The following MTFR1 variants were observed in gnomAD, a reference collection of about 807,000 sequenced individuals.
MTFR1 encodes chondrocyte protein with a poly-proline region.
MTFR1 carries 28 observed loss-of-function variants against 38.8 expected under a neutral mutation model. The observed-to-expected ratio is 0.72, with a 90% CI of 0.53 to 0.99. The LOEUF is 0.99. MTFR1 is among the 50% of genes least tolerant of loss of function. The pLI, the probability that MTFR1 is intolerant of heterozygous loss-of-function variation, is 0.00. For synonymous variants in MTFR1, 145 were observed against 137.0 expected (o/e 1.06, Z -0.41); for missense variants, 358 against 395.5 (o/e 0.91, Z 0.81).
chr8:65,644,511 G>C (rs529263437), upstream of MTFR1, among the ~76,000 whole-genome samples: 2 of 152,362 alleles, frequency 1.3e-5, no homozygotes, highest in African/African-American at 4.8e-5. Context: ...ACAGGACGGT[G>C]AAGGCACAAA....
At position 65,693,104 on chromosome 8, in the gene MTFR1, T is replaced by A. The variant is rs184785159; in HGVS notation, c.166-540T>A. 4.4e-3 allele frequency among the ~76,000 whole-genome samples: 662 copies of A among 152,142 alleles called. 2 individuals are homozygous for A. Among genetic ancestry groups the A allele is most frequent in the South Asian group, 0.01 (49 of 4,818 alleles). ...TTCTTAATTTTCTAGGATAGTTTTT[T>A]AAAAAATCAACTTATAGGCTGGGCA... On this transcript the variant is annotated intron_variant, in intron 3 of 7. Transcript: ENST00000262146.
At chr8:65,739,424 A>G (rs1807302336) in intron 3 of MTFR1, 1 of 1,428,918 alleles carries the variant, frequency 7.0e-7, no homozygotes, top group African/African-American at 1.5e-5. Flanking sequence ...TAGCTAACCG[A>G]TATAACTGAG....
chr8:65,704,967 A>T (rs1288176016), intron 5 of MTFR1, 38 bp downstream of exon 5: 1 of 1,490,904 alleles, frequency 6.7e-7, no homozygotes, highest in Admixed American at 2.0e-5. Flanking sequence ...TAACTTGCAA[A>T]CTAGAAGTTA....
At chr8:65,763,200 G>A (rs1399178653) in intron 3 of MTFR1, among the ~76,000 whole-genome samples, 1 of 152,080 alleles carries the variant, frequency 6.6e-6, no homozygotes, top group Non-Finnish European at 1.5e-5. Context: ...ATTGATCTAA[G>A]TTTTAGATTA....
chr8:65,698,244 GC>G, intron 4 of MTFR1, among the ~76,000 whole-genome samples: 1 of 151,524 alleles, frequency 6.6e-6, no homozygotes, highest in African/African-American at 2.4e-5. Flanking sequence ...TGCCTCCTGG[GC>G]TCAAGCGATC....
intron 1 of MTFR1, among the ~76,000 whole-genome samples, chr8:65,655,132 A>C (rs1479383859): frequency 6.6e-6 from 1 of 152,230 alleles, no homozygotes; most frequent in Non-Finnish European, 1.5e-5. Flanking sequence ...GGCTGCTTAA[A>C]ATATTCTGTG....
chr8:65,746,078 G>A (rs1304305073), intron 3 of MTFR1, among the ~76,000 whole-genome samples: 2 of 151,446 alleles, frequency 1.3e-5, no homozygotes, highest in African/African-American at 2.4e-5. Flanking sequence ...CTACAAGCAT[G>A]TGTTACCATA....
intron 3 of MTFR1, chr8:65,739,489 T>C (rs1271592081): frequency 1.3e-6 from 2 of 1,545,994 alleles, no homozygotes; most frequent in Non-Finnish European, 1.7e-6. Context: ...GTTAATGGGT[T>C]AGAATCACTT....
chr8:65,740,707 C>G (rs1328259149), intron 3 of MTFR1, among the ~76,000 whole-genome samples: 1 of 152,118 alleles, frequency 6.6e-6, no homozygotes, highest in East Asian at 1.9e-4. Flanking sequence ...GGCCAAGTTT[C>G]CCTTTCTTTC....
intron 3 of MTFR1, among the ~76,000 whole-genome samples, chr8:65,687,912 C>T (rs1220048954): frequency 4.0e-5 from 6 of 151,342 alleles, no homozygotes; most frequent in African/African-American, 1.5e-4. Context: ...CCAGCATGGC[C>T]AACATGGTGA....
intron 1 of MTFR1, among the ~76,000 whole-genome samples, chr8:65,651,744 C>G (rs1809129339): frequency 6.6e-6 from 1 of 151,928 alleles, no homozygotes; most frequent in African/African-American, 2.4e-5. Context: ...TCTTTTTGCT[C>G]AGGATAGCTT....
intron 3 of MTFR1, among the ~76,000 whole-genome samples, chr8:65,768,385 G>T (rs1296071793): frequency 6.6e-6 from 1 of 152,038 alleles, no homozygotes; most frequent in African/African-American, 2.4e-5. Context: ...GAATCATGGG[G>T]GTGCTAATTC....
chr8:65,694,884 T>A (rs558704998), intron 4 of MTFR1, among the ~76,000 whole-genome samples: 1 of 152,162 alleles, frequency 6.6e-6, no homozygotes, highest in Non-Finnish European at 1.5e-5. Flanking sequence ...CCAGGAGACA[T>A]TGTGGCATGT....
At chr8:65,703,418 G>GT (rs1805674446) in intron 4 of MTFR1, among the ~76,000 whole-genome samples, 1 of 84,740 alleles carries the variant, frequency 1.2e-5, no homozygotes, top group African/African-American at 5.4e-5. Context: ...TGATGTCTCT[G>GT]GTTTTTTTTT....
At chr8:65,655,951 A>AAAT (rs1554545336) in intron 1 of MTFR1, among the ~76,000 whole-genome samples, 1 of 55,404 alleles carries the variant, frequency 1.8e-5, no homozygotes, top group African/African-American at 1.4e-4. Flanking sequence ...TAAAAAAAAA[A>AAAT]ATATATATAT....
At chr8:65,776,682 T>C in the MTFR1 span, among the ~76,000 whole-genome samples, 1 of 152,232 alleles carries the variant, frequency 6.6e-6, no homozygotes. Flanking sequence ...TTATATATTA[T>C]GTTAATTTTG....
chr8:65,672,714 T>C (rs913770075), intron 2 of MTFR1, among the ~76,000 whole-genome samples: 5 of 152,218 alleles, frequency 3.3e-5, no homozygotes, highest in African/African-American at 9.7e-5. Flanking sequence ...GGTTTCACCA[T>C]GTTAGCACTT....
chr8:65,743,386 C>A (rs376103096), intron 3 of MTFR1, among the ~76,000 whole-genome samples: 1 of 152,144 alleles, frequency 6.6e-6, no homozygotes, highest in African/African-American at 2.4e-5. Flanking sequence ...GGGAGAAGAA[C>A]AGAACACTTA....
At chr8:65,693,857 C>G in intron 4 of MTFR1, 98 bp downstream of exon 4, 1 of 845,952 alleles carries the variant, frequency 1.2e-6, no homozygotes, top group Non-Finnish European at 1.9e-6. Context: ...AATTTTATCT[C>G]TAGTAATGCA....
Sources: allele counts gnomAD v4.1 joint callset (sites outside exome capture counted in the v4.1 genomes callset), GRCh38; gene constraint gnomAD v4.1.1; transcripts MANE v1.5; gene names NCBI Gene and HGNC (gene_info 2026-07-23, HGNC 2026-07-21).